Variants in CD1B observed in about 807,000 individuals in gnomAD.
The protein encoded by CD1B is CD1b molecule.
In CD1B, 43 loss-of-function variants were observed where a neutral mutation model predicts 39.8. The observed-to-expected ratio is 1.08, with a 90% CI of 0.85 to 1.39. CD1B has a LOEUF of 1.39. Ranked by LOEUF, CD1B falls within the 40% of genes most tolerant of loss-of-function variation. The probability of loss-of-function intolerance (pLI) is 0.00; values close to 1 mark genes in which losing one functional copy is unlikely to be tolerated. For missense variants in CD1B, 495 were observed against 403.8 expected, an observed-to-expected ratio of 1.23 and a Z score of -1.94; for synonymous variants, 192 against 152.5, an observed-to-expected ratio of 1.26 and a Z score of -1.91.
chr1:158,286,298 C>G, the CD1B span, among the ~76,000 whole-genome samples: 2 of 152,132 alleles, frequency 1.3e-5, no homozygotes, highest in African/African-American at 4.8e-5. Flanking sequence ...ACTTACTCCT[C>G]TCCCCATTGC....
At chr1:158,292,420 C>T in the CD1B span, 1 of 1,550,308 alleles carries the variant, frequency 6.5e-7, no homozygotes, top group Non-Finnish European at 8.7e-7. Flanking sequence ...ACTGCCCCTT[C>T]TGTTCCCACC....
chr1:158,303,966 C>A, the CD1B span, among the ~76,000 whole-genome samples: 1 of 151,950 alleles, frequency 6.6e-6, no homozygotes, highest in Admixed American at 6.6e-5. Flanking sequence ...GGGGTGCAAC[C>A]AAGATGGCCG....
chr1:158,295,094 A>G, the CD1B span, among the ~76,000 whole-genome samples: 1 of 152,214 alleles, frequency 6.6e-6, no homozygotes, highest in Non-Finnish European at 1.5e-5. Context: ...GAAACTGGGA[A>G]ATAAAGCCAA....
chr1:158,330,044 A>T lies in CD1B; in HGVS notation c.415T>A (p.Leu139Met), dbSNP rs745382043. 1.1e-5 allele frequency: 17 copies of T among 1,613,858 alleles called. No individual in the cohort carries two copies. In the Admixed American group the frequency reaches 1.7e-4, roughly 16 times the overall value. Reference protein sequence around the residue: ...VSFLRGALGGLDFLSVKNASC... With the variant: ...VSFLRGALGGMDFLSVKNASC... Reference sequence around the variant, plus strand: ...GCATTCTTGACACTCAGGAAATCCAATCCTCCTAGAGCTCCCCTCAGGAAG... The same window carrying T: ...GCATTCTTGACACTCAGGAAATCCATTCCTCCTAGAGCTCCCCTCAGGAAG... Residue 139 changes from leucine to methionine, a missense_variant, in exon 3 of 6, where the codon TTG (leucine) becomes ATG (methionine). Leu to Met is a conservative substitution (Grantham distance 15). Transcript: ENST00000368168.
At chr1:158,316,010 G>T in the CD1B span, among the ~76,000 whole-genome samples, 2 of 151,872 alleles carry the variant, frequency 1.3e-5, no homozygotes, top group Non-Finnish European at 2.9e-5. Flanking sequence ...CTGTTCCATT[G>T]ATCTATATCT....
the CD1B span, among the ~76,000 whole-genome samples, chr1:158,308,208 C>T: frequency 1.3e-5 from 2 of 151,964 alleles, no homozygotes; most frequent in East Asian, 1.9e-4. Flanking sequence ...GAGAGCCAAA[C>T]CATGAGTGAA....
At chr1:158,289,853 G>T in the CD1B span, 1 of 500,874 alleles carries the variant, frequency 2.0e-6, no homozygotes. Context: ...CCTGAGAGAA[G>T]AGAATAACTT....
At chr1:158,300,913 C>A in the CD1B span, among the ~76,000 whole-genome samples, 1 of 151,516 alleles carries the variant, frequency 6.6e-6, no homozygotes, top group Non-Finnish European at 1.5e-5. Context: ...TGCCCACCAC[C>A]ATGCCCAGCT....
At chr1:158,295,346 C>T in the CD1B span, among the ~76,000 whole-genome samples, 1 of 152,128 alleles carries the variant, frequency 6.6e-6, no homozygotes, top group East Asian at 1.9e-4. Flanking sequence ...TCTTGGTCCT[C>T]AGTGGCTTCT....
In CD1B at chr1:158,329,516, C is replaced by A; in HGVS notation, c.740G>T (p.Gly247Val). Residue 247 changes from glycine (G) to valine (V), a missense_variant, in exon 4 of 6, where the codon GGC becomes GTC. Coordinates refer to ENST00000368168, the MANE Select transcript of CD1B (RefSeq NM_001764.3). ...GGGCAGGATGTCCCCTAGCTGAGTG[C>A]CCTGCTGCTCCTGCTCACCCCGCAT... ...MWMRGEQEQQ[G>V]TQLGDILPNA... The A allele has an allele frequency of 1.9e-6, 3 of 1,614,170 alleles. No individual in the cohort carries two copies. The highest frequency in any genetic ancestry group is 2.2e-5 in the South Asian group (2 of 91,080).
chr1:158,295,964 C>T, the CD1B span, among the ~76,000 whole-genome samples: 2 of 152,160 alleles, frequency 1.3e-5, no homozygotes, highest in African/African-American at 2.4e-5. Flanking sequence ...CACTGCTGCA[C>T]TGTCCCCACT....
chr1:158,330,870 T>C lies in CD1B; in HGVS notation c.254A>G (p.Glu85Gly). ...NFSDKEVAEL[E>G]EIFRVYIFGF... ...AAAGATGTAGACTCGGAATATCTCC[T>C]CTAACTCAGCAACCTCCTTATCACT... The change falls in exon 2 of 6, where the codon GAG becomes GGG. Residue 85 changes from glutamate (E) to glycine (G), a missense_variant. By Grantham distance (98) the Glu-to-Gly change is moderately conservative. Coordinates refer to ENST00000368168, the MANE Select transcript of CD1B (RefSeq NM_001764.3). The C allele has an allele frequency of 6.2e-7, 1 of 1,614,094 alleles. No individual in the cohort carries two copies. Among genetic ancestry groups the C allele is most frequent in the Non-Finnish European group, 8.5e-7 (1 of 1,179,936 alleles).
At chr1:158,303,782 A>C in the CD1B span, among the ~76,000 whole-genome samples, 2 of 152,202 alleles carry the variant, frequency 1.3e-5, no homozygotes, top group African/African-American at 4.8e-5. Flanking sequence ...TATACAACTG[A>C]ATGTAAAAAT....
the CD1B span, among the ~76,000 whole-genome samples, chr1:158,313,258 C>A: frequency 6.6e-6 from 1 of 152,042 alleles, no homozygotes; most frequent in Non-Finnish European, 1.5e-5. Context: ...CTAGCATTTT[C>A]TTGAGGATTT....
At chr1:158,307,827 A>T in the CD1B span, among the ~76,000 whole-genome samples, 1 of 152,196 alleles carries the variant, frequency 6.6e-6, no homozygotes, top group African/African-American at 2.4e-5. Context: ...TATTGATGGG[A>T]TGTATCTCAA....
downstream of CD1B, among the ~76,000 whole-genome samples, chr1:158,326,641 T>A (rs1422204506): frequency 6.6e-6 from 1 of 152,140 alleles, no homozygotes; most frequent in East Asian, 1.9e-4. Context: ...AAAAAGTCTA[T>A]ATGTTACAGA....
the CD1B span, among the ~76,000 whole-genome samples, chr1:158,320,525 G>A: frequency 1.2e-4 from 18 of 151,846 alleles, no homozygotes; most frequent in South Asian, 4.2e-4. Flanking sequence ...GCTGGCACAC[G>A]GTGTGCGCAC....
chr1:158,323,700 A>G (rs1452978800), downstream of CD1B, among the ~76,000 whole-genome samples: 1 of 152,226 alleles, frequency 6.6e-6, no homozygotes, highest in African/African-American at 2.4e-5. Flanking sequence ...CCATTTCAGC[A>G]CTAGAGGAAA....
chr1:158,292,910 C>T, the CD1B span: 1 of 1,605,994 alleles, frequency 6.2e-7, no homozygotes, highest in Non-Finnish European at 8.5e-7. Flanking sequence ...GTAGGTGGTT[C>T]TTGAGCCTAG....
Sources: allele counts gnomAD v4.1 joint callset (sites outside exome capture counted in the v4.1 genomes callset), GRCh38; gene constraint gnomAD v4.1.1; transcripts MANE v1.5; gene names NCBI Gene and HGNC (gene_info 2026-07-23, HGNC 2026-07-21).